CEP112: variants seen among roughly 807,000 people sequenced by gnomAD.
CEP112 encodes the protein centrosomal protein 112, also known as centrosomal protein of 112 kDa.
In CEP112, 127 loss-of-function variants were observed where a neutral mutation model predicts 153.0. That is an observed-to-expected ratio of 0.83 (90% CI 0.72 to 0.96). The LOEUF is 0.96. Among genes scored for constraint, CEP112 ranks in the 40% least tolerant of loss-of-function variants. The pLI is 0.00. For synonymous variants in CEP112, 358 were observed against 374.4 expected (o/e 0.96, Z 0.51); for missense variants, 1,089 against 1,101.2 (o/e 0.99, Z 0.16).
At chr17:65,743,751 A>AT (rs534361790) in intron 22 of CEP112, among the ~76,000 whole-genome samples, 18 of 145,348 alleles carry the variant, frequency 1.2e-4, no homozygotes, top group Admixed American at 3.4e-4. Flanking sequence ...ATTGCCTTTT[A>AT]TTTTTTTTTT....
chr17:66,140,613 C>A (rs949192738), intron 4 of CEP112, among the ~76,000 whole-genome samples: 1 of 152,088 alleles, frequency 6.6e-6, no homozygotes, highest in Non-Finnish European at 1.5e-5. Context: ...CACTTCTTTA[C>A]ACTAACAATG....
At chr17:66,071,122 C>T (rs777657136) in intron 8 of CEP112, among the ~76,000 whole-genome samples, 9 of 151,946 alleles carry the variant, frequency 5.9e-5, no homozygotes, top group Non-Finnish European at 1.0e-4. Flanking sequence ...TTTTCAATTA[C>T]TTTTTCAAAT....
At chr17:65,657,787 T>G (rs2046134921) in intron 24 of CEP112, among the ~76,000 whole-genome samples, 1 of 152,218 alleles carries the variant, frequency 6.6e-6, no homozygotes, top group South Asian at 2.1e-4. Flanking sequence ...TCAGTGAGGC[T>G]GATGGGGGTT....
intron 19 of CEP112, among the ~76,000 whole-genome samples, chr17:65,924,044 T>C (rs909404962): frequency 6.6e-6 from 1 of 152,168 alleles, no homozygotes; most frequent in Non-Finnish European, 1.5e-5. Context: ...TGGTGCGATT[T>C]TGGCTCACTG....
At chr17:65,842,148 T>C (rs1364856604) in intron 21 of CEP112, among the ~76,000 whole-genome samples, 1 of 152,042 alleles carries the variant, frequency 6.6e-6, no homozygotes, top group Non-Finnish European at 1.5e-5. Context: ...CTCTGAGGAA[T>C]ACAGAACTCC....
chr17:65,687,753 A>T (rs542698351), intron 24 of CEP112, among the ~76,000 whole-genome samples: 1 of 152,302 alleles, frequency 6.6e-6, no homozygotes, highest in South Asian at 2.1e-4. Context: ...CTGTTTGTAA[A>T]CATCTCCAGA....
chr17:65,929,080 G>C (rs1164309143), intron 18 of CEP112, among the ~76,000 whole-genome samples: 1 of 152,162 alleles, frequency 6.6e-6, no homozygotes, highest in African/African-American at 2.4e-5. Context: ...AAAGGGTATG[G>C]TGTTTCTTTG....
At chr17:66,054,744 A>G (rs978279911) in intron 11 of CEP112, among the ~76,000 whole-genome samples, 1 of 152,064 alleles carries the variant, frequency 6.6e-6, no homozygotes, top group Non-Finnish European at 1.5e-5. Context: ...TCCAAATGAT[A>G]TATTTGGCTT....
intron 21 of CEP112, among the ~76,000 whole-genome samples, chr17:65,847,510 A>G (rs1476977302): frequency 6.6e-6 from 1 of 152,206 alleles, no homozygotes; most frequent in Non-Finnish European, 1.5e-5. Flanking sequence ...AAGTCTTGTC[A>G]GAGAGCTTCT....
chr17:66,057,621 CAT>C (rs1487770001), intron 11 of CEP112, among the ~76,000 whole-genome samples: 2 of 151,946 alleles, frequency 1.3e-5, no homozygotes, highest in African/African-American at 2.4e-5. Flanking sequence ...TCACCTTGTC[CAT>C]GTAGAATACA....
chr17:65,875,075 A>G (rs2058778700), intron 20 of CEP112, among the ~76,000 whole-genome samples: 1 of 152,102 alleles, frequency 6.6e-6, no homozygotes, highest in African/African-American at 2.4e-5. Flanking sequence ...GGTATCAAAA[A>G]ATGTTTTACA....
chr17:66,148,836 TTTTC>T (rs1568547911), intron 4 of CEP112, among the ~76,000 whole-genome samples: 1 of 152,094 alleles, frequency 6.6e-6, no homozygotes, highest in East Asian at 1.9e-4. Context: ...TTGGATGACT[TTTTC>T]TTTTTCTTTT....
At chr17:65,674,294 A>G (rs1028226204) in intron 24 of CEP112, among the ~76,000 whole-genome samples, 2 of 152,244 alleles carry the variant, frequency 1.3e-5, no homozygotes, top group African/African-American at 4.8e-5. Flanking sequence ...ATGATTAGAT[A>G]ATCCATTCCC....
At chr17:66,069,822 T>C in intron 9 of CEP112, 93 bp downstream of exon 9, 1 of 673,560 alleles carries the variant, frequency 1.5e-6, no homozygotes, top group Non-Finnish European at 2.5e-6. Flanking sequence ...GGATGGATGG[T>C]TGGAAGAATG....
At chr17:65,688,931 T>G (rs1244174883) in intron 24 of CEP112, 198 bp downstream of exon 24, 3 of 397,608 alleles carry the variant, frequency 7.5e-6, no homozygotes, top group Non-Finnish European at 9.2e-6. Flanking sequence ...CCACACCCAG[T>G]TAATTTTTGT....
rs188657001 is a variant in CEP112 at position 66,162,169 on chromosome 17, T to C, written c.470+12875A>G. Among the ~76,000 whole-genome samples, 14 of 152,194 alleles carry C rather than the reference T, an allele frequency of 9.2e-5. No homozygotes were observed. In the South Asian group the frequency reaches 1.9e-3, roughly 20 times the overall value. ...CCATTTTTTCCATACTTAAAAAAGA[T>C]CAAAGACTCAACCAGAAACTTCACA... On this transcript the variant is annotated intron_variant, in intron 4 of 26. Transcript: ENST00000535342.
chr17:65,987,282 G>A, intron 17 of CEP112, among the ~76,000 whole-genome samples: 1 of 151,982 alleles, frequency 6.6e-6, no homozygotes, highest in Non-Finnish European at 1.5e-5. Flanking sequence ...AAAATGCAGA[G>A]CACAATAAAA....
chr17:65,668,924 C>T (rs1191514548), intron 24 of CEP112, among the ~76,000 whole-genome samples: 1 of 152,212 alleles, frequency 6.6e-6, no homozygotes, highest in Admixed American at 6.5e-5. Context: ...ATCTTGCCCT[C>T]CCCATCTAAT....
intron 17 of CEP112, among the ~76,000 whole-genome samples, chr17:65,965,774 T>A (rs7221503): frequency 1.3e-5 from 2 of 151,834 alleles, no homozygotes; most frequent in Non-Finnish European, 2.9e-5. Context: ...CACCCCGGTC[T>A]CCTAAAGAGC....
Sources: allele counts gnomAD v4.1 joint callset (sites outside exome capture counted in the v4.1 genomes callset), GRCh38; gene constraint gnomAD v4.1.1; transcripts MANE v1.5; gene names NCBI Gene and HGNC (gene_info 2026-07-23, HGNC 2026-07-21).